Variants in CAPN10 observed in about 807,000 individuals in gnomAD.
CAPN10 encodes the protein calpain-10.
A neutral mutation model predicts 78.4 loss-of-function variants in CAPN10; 71 were observed. The ratio of observed to expected loss-of-function variants is 0.91; its 90% CI spans 0.75 to 1.10. CAPN10 has a LOEUF of 1.10. Among genes scored for constraint, CAPN10 ranks in the 50% least tolerant of loss-of-function variants. The probability of loss-of-function intolerance (pLI) is 0.00; values close to 1 mark genes in which losing one functional copy is unlikely to be tolerated. For synonymous variants in CAPN10, 437 were observed against 407.2 expected, an observed-to-expected ratio of 1.07 and a Z score of -0.88; for missense variants, 849 against 924.6, an observed-to-expected ratio of 0.92 and a Z score of 1.06.
At position 240,594,606 on chromosome 2, in the gene CAPN10, A is replaced by C; in HGVS notation, c.894A>C (p.Glu298Asp). 1 of 1,613,890 alleles carries C rather than the reference A, an allele frequency of 6.2e-7. No individual in the cohort carries two copies. The highest frequency in any genetic ancestry group is 8.5e-7 in the Non-Finnish European group (1 of 1,179,948). ...CTGAGCTCCTGTCCCAGCTCCAGGAAGGGGAGTTCTGGGTGGAGGAGGAGG... is the reference window on the plus strand; with the variant it reads ...CTGAGCTCCTGTCCCAGCTCCAGGACGGGGAGTTCTGGGTGGAGGAGGAGG... ...VASELLSQLQ[E>D]GEFWVEEEEF... Residue 298 changes from glutamate to aspartate, a missense_variant, in exon 6 of 12, where the codon GAA becomes GAC. Transcript: ENST00000391984.
At position 240,599,016 on chromosome 2, in the gene CAPN10, G is replaced by T; in HGVS notation, c.*336G>T. 2.3e-6 allele frequency: 1 copy of T among 443,346 alleles called. No homozygotes were observed. Among genetic ancestry groups the T allele is most frequent in the East Asian group, 3.4e-5 (1 of 29,716 alleles). The allele number at this position is 443,346 out of a possible 1,614,324, so 27.5% of individuals were successfully genotyped here. On this transcript the variant is annotated 3_prime_UTR_variant, in exon 12 of 12. Coordinates refer to ENST00000391984, the MANE Select transcript of CAPN10 (RefSeq NM_023083.4). Reference sequence around the variant, plus strand: ...ATGGAGGCCTCACACCCAGAGGGTAGGGCAGCAGATCTTCTTTATAACTAT... The same window carrying T: ...ATGGAGGCCTCACACCCAGAGGGTATGGCAGCAGATCTTCTTTATAACTAT...
In CAPN10 at chr2:240,596,348, G is replaced by T; in HGVS notation, c.1308G>T (p.Arg436Ser). The T allele has an allele frequency of 6.2e-7, 1 of 1,611,170 alleles. No homozygotes were observed. Among genetic ancestry groups the T allele is most frequent in the South Asian group, 1.1e-5 (1 of 91,008 alleles). The change falls in exon 8 of 12, where the codon AGG (arginine) becomes AGT (serine). Residue 436 changes from arginine to serine, a missense_variant. Physicochemically the swap from Arg to Ser is moderately radical, Grantham distance 110 (BLOSUM62 -1). Coordinates refer to ENST00000391984, the MANE Select transcript of CAPN10 (RefSeq NM_023083.4). ...AGAAGCGGCGGGTCAATCTGCCTAG[G>T]GTCCTGTCCATGCCCCCCGTGGCTG... ...KVEKRRVNLP[R>S]VLSMPPVAGT...
In CAPN10 at chr2:240,586,779, C is replaced by G; in HGVS notation, c.-133C>G. ...TGGCCTGGTCCAGCACCTGCGGGGC[C>G]CTCGGGCTTGGAGGGCTGGGCCGGG... On this transcript the variant is annotated 5_prime_UTR_variant, in exon 1 of 12. Transcript: ENST00000391984. The G allele has an allele frequency of 1.1e-6, 1 of 874,836 alleles. No individual in the cohort carries two copies. The highest frequency in any genetic ancestry group is 3.5e-5 in the South Asian group (1 of 28,272). The allele number at this position is 874,836 out of a possible 1,614,324, so 54.2% of individuals were successfully genotyped here. A position where few individuals can be genotyped will look rare whatever the true frequency, so the allele number is the denominator to read the frequency against.
rs1000432931 is a variant in CAPN10, at chr2:240,586,873, G to A, written c.-39G>A. ...GCCTTCTCTCCGGGGCTGCGACCCC[G>A]AGGCAACCGGCTGCAGATGGGAGCC... On this transcript the variant is annotated 5_prime_UTR_variant, in exon 1 of 12. Transcript: ENST00000391984. 7.4e-7 allele frequency: 1 copy of A among 1,348,392 alleles called. No individual in the cohort carries two copies. The allele number at this position is 1,348,392 out of a possible 1,614,324, so 83.5% of individuals were successfully genotyped here. A position where few individuals can be genotyped will look rare whatever the true frequency, so the allele number is the denominator to read the frequency against.
chr2:240,592,707 C>T, intron 4 of CAPN10: 1 of 349,352 alleles, frequency 2.9e-6, no homozygotes, highest in Middle Eastern at 1.1e-3. Context: ...AGTGCGCTCT[C>T]AGTTTTCCAT....
At chr2:240,589,276 T>C (rs916357741) in intron 1 of CAPN10, 67 bp from the exon 2 acceptor site, 3 of 1,603,450 alleles carry the variant, frequency 1.9e-6, no homozygotes, top group African/African-American at 1.3e-5. Flanking sequence ...TCTAGAGCCT[T>C]GGGTTCTTAG....
chr2:240,587,913 G>T (rs890868832), intron 1 of CAPN10, among the ~76,000 whole-genome samples: 2 of 152,220 alleles, frequency 1.3e-5, no homozygotes, highest in African/African-American at 2.4e-5. Context: ...TGCTGGGTGG[G>T]AAGTGGGTTG....
intron 2 of CAPN10, 81 bp downstream of exon 2, chr2:240,589,555 T>C (rs560852120): frequency 1.3e-6 from 2 of 1,496,876 alleles, no homozygotes; most frequent in African/African-American, 1.4e-5. Flanking sequence ...CAGGAGGCCT[T>C]GCGAAAGCAG....
chr2:240,595,279 A>G lies in CAPN10; in HGVS notation c.1253A>G (p.Gln418Arg), dbSNP rs750807609. Residue 418 changes from glutamine to arginine, a missense_variant, in exon 7 of 12, where the codon CAG (glutamine) becomes CGG (arginine). Coordinates refer to ENST00000391984, the MANE Select transcript of CAPN10 (RefSeq NM_023083.4). ...SPASIPGKHY[Q>R]AVGLHLWKVE... ...GCGAGCATCCCGGGCAAGCACTACC[A>G]GGCTGTGGGTCTGCACCTCTGGAAG... 6.2e-7 allele frequency: 1 copy of G among 1,613,474 alleles called. No individual in the cohort carries two copies. Among genetic ancestry groups the G allele is most frequent in the Admixed American group, 1.7e-5 (1 of 60,018 alleles).
intron 11 of CAPN10, 121 bp from the exon 12 acceptor site, chr2:240,598,530 G>T: frequency 6.9e-7 from 1 of 1,439,166 alleles, no homozygotes; most frequent in Non-Finnish European, 9.6e-7. Flanking sequence ...TGAGAGCCCC[G>T]GGCGGTGCCT....
At chr2:240,594,408 G>GGCTCCTGTCTCTTATA in intron 5 of CAPN10, 135 bp from the exon 6 acceptor site, 1 of 873,434 alleles carries the variant, frequency 1.1e-6, no homozygotes. Flanking sequence ...GGGAGGGGCT[G>GGCTCCTGTCTCTTATA]CAGAGCTGGG....
chr2:240,597,403 C>T (rs977705412), intron 9 of CAPN10, among the ~76,000 whole-genome samples: 2 of 152,184 alleles, frequency 1.3e-5, no homozygotes, highest in Non-Finnish European at 2.9e-5. Context: ...GCCAGCAGCC[C>T]CTTGTCCACT....
intron 4 of CAPN10, among the ~76,000 whole-genome samples, chr2:240,593,446 C>T (rs1465762500): frequency 6.6e-6 from 1 of 152,228 alleles, no homozygotes; most frequent in Non-Finnish European, 1.5e-5. Context: ...GAGCTGTTGC[C>T]CCCCTGGGCC....
At chr2:240,598,267 A>G in intron 10 of CAPN10, 85 bp from the exon 11 acceptor site, 1 of 1,510,926 alleles carries the variant, frequency 6.6e-7, no homozygotes, top group East Asian at 2.3e-5. Context: ...CTGGAAGGAG[A>G]GTCTAGTGGG....
At position 240,596,381 on chromosome 2, in the gene CAPN10, G is replaced by A. The variant is rs529302384; in HGVS notation, c.1341G>A (p.Ala447=). ...VLSMPPVAGT[A]CHAYDREVHL... ...CCATGCCCCCCGTGGCTGGCACCGC[G>A]TGCCATGCATACGACCGGGAGGTCC... Residue 447 remains alanine (A), a synonymous_variant, in exon 8 of 12, where the codon GCG becomes GCA. Coordinates refer to ENST00000391984, the MANE Select transcript of CAPN10 (RefSeq NM_023083.4). The A allele has an allele frequency of 6.0e-5, 96 of 1,613,182 alleles. No individual in the cohort carries two copies. The highest frequency in any genetic ancestry group is 7.5e-5 in the Non-Finnish European group (89 of 1,179,852).
intron 11 of CAPN10, 96 bp from the exon 12 acceptor site, chr2:240,598,555 A>G: frequency 6.8e-7 from 1 of 1,462,866 alleles, no homozygotes; most frequent in Non-Finnish European, 9.4e-7. Context: ...GGGCAGGGGG[A>G]GCTGAGGCTG....
At chr2:240,595,924 G>C (rs1334773129) in intron 7 of CAPN10, 1 of 1,335,360 alleles carries the variant, frequency 7.5e-7, no homozygotes. Context: ...CATCTTGTGT[G>C]TCTTGACAGG....
intron 9 of CAPN10, 126 bp from the exon 10 acceptor site, chr2:240,597,762 C>T (rs909161041): frequency 1.2e-6 from 1 of 849,052 alleles, no homozygotes; most frequent in Non-Finnish European, 1.8e-6. Context: ...CCAGGCCTGG[C>T]AGCCCCTCCT....
At chr2:240,597,290 AACGC>A (rs1287500591) in intron 9 of CAPN10, among the ~76,000 whole-genome samples, 2 of 152,176 alleles carry the variant, frequency 1.3e-5, no homozygotes. Flanking sequence ...CTGGCTTGGG[AACGC>A]AGGGGGCTGA....
Sources: allele counts gnomAD v4.1 joint callset (sites outside exome capture counted in the v4.1 genomes callset), GRCh38; gene constraint gnomAD v4.1.1; transcripts MANE v1.5; gene names NCBI Gene and HGNC (gene_info 2026-07-23, HGNC 2026-07-21).